FER1L6: variants seen among roughly 807,000 people sequenced by gnomAD.
The protein encoded by FER1L6 is fer-1 like family member 6.
Under a neutral mutation model 219.2 loss-of-function variants are expected in FER1L6, and 177 were observed. The observed-to-expected ratio is 0.81, with a 90% CI of 0.71 to 0.91. The LOEUF is 0.91. Among genes scored for constraint, FER1L6 ranks in the 40% least tolerant of loss-of-function variants. The probability of loss-of-function intolerance (pLI) is 0.00; values close to 1 mark genes in which losing one functional copy is unlikely to be tolerated. For synonymous variants in FER1L6, 768 were observed against 824.3 expected (o/e 0.93, Z 1.17); for missense variants, 2,153 against 2,259.9 (o/e 0.95, Z 0.96).
intron 1 of FER1L6, among the ~76,000 whole-genome samples, chr8:123,905,743 G>A (rs1357145535): frequency 6.6e-6 from 1 of 152,158 alleles, no homozygotes; most frequent in African/African-American, 2.4e-5. Flanking sequence ...CCTGGCACAT[G>A]ATAATCTCTT....
intron 17 of FER1L6, among the ~76,000 whole-genome samples, chr8:124,023,073 G>A (rs111702650): frequency 0.026 from 3,883 of 152,104 alleles, 170 homozygotes; most frequent in African/African-American, 0.089. Flanking sequence ...GTGTCACTAC[G>A]CCCAGCTAAT....
chr8:124,081,182 C>T (rs1481907788), intron 32 of FER1L6, among the ~76,000 whole-genome samples: 1 of 152,098 alleles, frequency 6.6e-6, no homozygotes, highest in African/African-American at 2.4e-5. Flanking sequence ...GCTCCCAGCC[C>T]AGTTCATCCT....
chr8:124,002,079 C>A lies in FER1L6; in HGVS notation c.1520-1088C>A, dbSNP rs138295416. Among the ~76,000 whole-genome samples, 786 of 152,318 alleles carry A rather than the reference C, an allele frequency of 5.2e-3. 1 individual carries two copies. Among genetic ancestry groups the A allele is most frequent in the Middle Eastern group, 0.01 (3 of 294 alleles). Reference sequence around the variant, plus strand: ...GTGAGTGGCATCACAGACTTGGCCCCACTTTGAGGCATGTGGGCTGGGCTT... The same window carrying A: ...GTGAGTGGCATCACAGACTTGGCCCAACTTTGAGGCATGTGGGCTGGGCTT... On this transcript the variant is annotated intron_variant, in intron 12 of 40. Transcript: ENST00000522917.
intron 1 of FER1L6, among the ~76,000 whole-genome samples, chr8:123,922,258 C>G (rs1452981929): frequency 1.3e-5 from 2 of 152,220 alleles, no homozygotes; most frequent in East Asian, 1.9e-4. Context: ...GGGATCTTGG[C>G]TGTCCAGCTG....
At chr8:123,987,371 A>ATT (rs150195116) in intron 12 of FER1L6, among the ~76,000 whole-genome samples, 1 of 151,156 alleles carries the variant, frequency 6.6e-6, no homozygotes, top group African/African-American at 2.4e-5. Context: ...AGATTATTGG[A>ATT]TTTTTTTTTC....
chr8:123,987,981 C>G (rs1298222733), intron 12 of FER1L6, among the ~76,000 whole-genome samples: 1 of 152,018 alleles, frequency 6.6e-6, no homozygotes, highest in African/African-American at 2.4e-5. Flanking sequence ...GCCTGTAATC[C>G]CAGCTACTTG....
intron 1 of FER1L6, among the ~76,000 whole-genome samples, chr8:123,940,098 C>T (rs527407988): frequency 7.4e-4 from 113 of 152,314 alleles, no homozygotes; most frequent in African/African-American, 2.6e-3. Flanking sequence ...CTAATAGGCA[C>T]TCATTAAATG....
chr8:123,938,540 AATT>A (rs1403158062), intron 1 of FER1L6, among the ~76,000 whole-genome samples: 114 of 118,972 alleles, frequency 9.6e-4, no homozygotes, highest in Admixed American at 4.3e-3. Context: ...ATTTACCTGA[AATT>A]TTTTTTTTTT....
intron 5 of FER1L6, among the ~76,000 whole-genome samples, chr8:123,966,734 G>T (rs1388197247): frequency 6.6e-6 from 1 of 152,162 alleles, no homozygotes; most frequent in Non-Finnish European, 1.5e-5. Context: ...TGTAGAAATT[G>T]TAAAGAAAAA....
chr8:124,050,241 C>T (rs1819946188), intron 22 of FER1L6, among the ~76,000 whole-genome samples: 1 of 152,176 alleles, frequency 6.6e-6, no homozygotes, highest in Non-Finnish European at 1.5e-5. Flanking sequence ...TATCACACAG[C>T]TGGGTGAACT....
chr8:123,977,213 G>A (rs1816117204), intron 9 of FER1L6, among the ~76,000 whole-genome samples: 1 of 152,250 alleles, frequency 6.6e-6, no homozygotes, highest in Non-Finnish European at 1.5e-5. Flanking sequence ...GGGCTGTGAT[G>A]TGACTTTGTC....
chr8:123,979,627 A>G (rs1298741650), intron 10 of FER1L6, among the ~76,000 whole-genome samples: 1 of 152,186 alleles, frequency 6.6e-6, no homozygotes, highest in Non-Finnish European at 1.5e-5. Flanking sequence ...GTAAGTTCAA[A>G]TCATCAGGTC....
chr8:123,978,275 GC>G (rs1816180746), intron 10 of FER1L6, among the ~76,000 whole-genome samples: 1 of 152,142 alleles, frequency 6.6e-6, no homozygotes, highest in African/African-American at 2.4e-5. Context: ...TTTTAGTATG[GC>G]CCATAAAATA....
At chr8:123,934,560 T>A (rs1465739017) in intron 1 of FER1L6, among the ~76,000 whole-genome samples, 1 of 152,006 alleles carries the variant, frequency 6.6e-6, no homozygotes, top group East Asian at 1.9e-4. Flanking sequence ...AGAGAAGCAC[T>A]TGGATGGTAT....
chr8:124,092,824 C>T (rs1229098383), intron 34 of FER1L6, among the ~76,000 whole-genome samples: 5 of 148,550 alleles, frequency 3.4e-5, no homozygotes, highest in South Asian at 2.1e-4. Context: ...CAGAGCAGGA[C>T]GAAGAGAGAA....
Position 123,856,292 on chromosome 8 carries a change from G to GTA in FER1L6, c.-8+4123_-8+4124dup, listed in dbSNP as rs1255382948. Among the ~76,000 whole-genome samples the GTA allele has an allele frequency of 8.6e-4, 58 of 67,460 alleles. 9 individuals carry two copies. Among genetic ancestry groups the GTA allele is most frequent in the African/African-American group, 1.0e-3 (18 of 17,222 alleles). 44.3% of individuals were successfully genotyped at this position (67,460 alleles called of 152,430 possible). On this transcript the variant is annotated intron_variant, in intron 1 of 40. Coordinates refer to ENST00000522917, the MANE Select transcript of FER1L6 (RefSeq NM_001039112.2). ...TGTATATGTGTATATATGTGTGTGTGTATATATATATATATATGTATGTGT... is the reference window on the plus strand; with the variant it reads ...TGTATATGTGTATATATGTGTGTGTGTATATATATATATATATATGTATGTGT...
intron 34 of FER1L6, among the ~76,000 whole-genome samples, chr8:124,093,569 A>C (rs1586327909): frequency 6.6e-6 from 1 of 152,172 alleles, no homozygotes; most frequent in South Asian, 2.1e-4. Context: ...TATTGAGAAA[A>C]ATATTTATTC....
intron 22 of FER1L6, among the ~76,000 whole-genome samples, chr8:124,050,348 A>G (rs999565983): frequency 4.6e-5 from 7 of 151,996 alleles, no homozygotes; most frequent in African/African-American, 1.5e-4. Flanking sequence ...ACCAAGGGGG[A>G]TTTATGAATG....
At chr8:123,962,734 G>A (rs1815348304) in intron 2 of FER1L6, among the ~76,000 whole-genome samples, 1 of 152,112 alleles carries the variant, frequency 6.6e-6, no homozygotes, top group South Asian at 2.1e-4. Context: ...TTCAAGCGTT[G>A]CTCCTGCCTT....
Sources: gnomAD v4.1 joint callset for allele counts (sites outside exome capture counted in the v4.1 genomes callset) on GRCh38, gnomAD v4.1.1 for gene constraint, MANE v1.5 for transcripts, NCBI Gene and HGNC (gene_info 2026-07-23, HGNC 2026-07-21) for gene names.